The following IKZF2 variants were observed in gnomAD, a reference collection of about 807,000 sequenced individuals.
The protein encoded by IKZF2 is zinc finger protein Helios.
Under a neutral mutation model 49.2 loss-of-function variants are expected in IKZF2, and 15 were observed. The observed-to-expected ratio is 0.30, with a 90% confidence interval of 0.20 to 0.47. IKZF2 has a LOEUF of 0.47. Among genes scored for constraint, IKZF2 ranks in the 20% least tolerant of loss-of-function variants. The pLI, the probability that IKZF2 is intolerant of heterozygous loss-of-function variation, is 1.00. For synonymous variants in IKZF2, 227 were observed against 221.4 expected (o/e 1.03, Z -0.23); for missense variants, 567 against 664.6 (o/e 0.85, Z 1.61).
chr2:213,019,609 T>C (rs529675632), intron 7 of IKZF2, among the ~76,000 whole-genome samples: 2 of 152,330 alleles, frequency 1.3e-5, no homozygotes, highest in Non-Finnish European at 2.9e-5. Context: ...TGTAAACTTA[T>C]GTGGTTAAAA....
chr2:213,015,047 G>T (rs1362562031), intron 7 of IKZF2: 1 of 152,018 alleles, frequency 6.6e-6, no homozygotes, highest in Non-Finnish European at 1.5e-5. Context: ...TTTATAAGGG[G>T]ATCCTCTTGG....
At chr2:213,022,548 G>A (rs1697344131) in intron 6 of IKZF2, among the ~76,000 whole-genome samples, 1 of 151,768 alleles carries the variant, frequency 6.6e-6, no homozygotes, top group African/African-American at 2.4e-5. Context: ...TTTTACAGAA[G>A]AAAACTTAAA....
intron 6 of IKZF2, among the ~76,000 whole-genome samples, chr2:213,028,760 G>T (rs570451138): frequency 2.4e-4 from 37 of 151,962 alleles, no homozygotes; most frequent in Non-Finnish European, 5.2e-4. Flanking sequence ...TTTCACAATA[G>T]CCAAGATATG....
intron 4 of IKZF2, among the ~76,000 whole-genome samples, chr2:213,087,103 G>A: frequency 6.6e-6 from 1 of 152,128 alleles, no homozygotes; most frequent in East Asian, 1.9e-4. Flanking sequence ...TGAAACAAAA[G>A]GTAGGGGAAG....
At chr2:213,013,379 G>C (rs1466592979) in intron 8 of IKZF2, among the ~76,000 whole-genome samples, 2 of 147,192 alleles carry the variant, frequency 1.4e-5, no homozygotes, top group Non-Finnish European at 3.0e-5. Flanking sequence ...TCCAATAATG[G>C]GACACTAGGC....
At chr2:213,117,204 T>C (rs1476483555) in intron 4 of IKZF2, among the ~76,000 whole-genome samples, 1 of 152,142 alleles carries the variant, frequency 6.6e-6, no homozygotes, top group African/African-American at 2.4e-5. Context: ...CATTCAACAC[T>C]GCCTCTCCAA....
intron 4 of IKZF2, among the ~76,000 whole-genome samples, chr2:213,087,870 G>C (rs13383092): frequency 0.055 from 8,320 of 152,228 alleles, 753 homozygotes; most frequent in African/African-American, 0.19. Context: ...ATTCCATGGT[G>C]TATATGTGCC....
At chr2:213,022,522 G>A (rs1431159576) in intron 6 of IKZF2, among the ~76,000 whole-genome samples, 1 of 151,256 alleles carries the variant, frequency 6.6e-6, no homozygotes, top group Non-Finnish European at 1.5e-5. Context: ...TTTTCTTTTC[G>A]GGTAAGGGCA....
At chr2:213,060,655 T>C (rs1701595362) in intron 4 of IKZF2, among the ~76,000 whole-genome samples, 1 of 151,490 alleles carries the variant, frequency 6.6e-6, no homozygotes, top group African/African-American at 2.4e-5. Flanking sequence ...ACACACGTTA[T>C]CATATGCTAA....
At chr2:213,042,765 T>C (rs1294678780) in intron 6 of IKZF2, among the ~76,000 whole-genome samples, 9 of 152,128 alleles carry the variant, frequency 5.9e-5, no homozygotes, top group Admixed American at 5.9e-4. Flanking sequence ...GATAATGTGT[T>C]ATGGGTATGG....
chr2:213,055,726 T>A (rs1434275195), intron 5 of IKZF2, among the ~76,000 whole-genome samples: 1 of 152,092 alleles, frequency 6.6e-6, no homozygotes, highest in African/African-American at 2.4e-5. Context: ...ACATAAGGGA[T>A]AATGGACAAA....
chr2:213,079,469 G>A lies in IKZF2; in HGVS notation c.140-22370C>T, dbSNP rs565350671. 5.0e-5 allele frequency among the ~76,000 whole-genome samples: 6 copies of A among 120,396 alleles called. No homozygotes were observed. In the East Asian group the frequency reaches 8.1e-4, roughly 16 times the overall value. The allele number at this position is 120,396 out of a possible 152,430, so 79.0% of individuals were successfully genotyped here. On this transcript the variant is annotated intron_variant, in intron 4 of 8. Coordinates refer to ENST00000434687, the MANE Select transcript of IKZF2 (RefSeq NM_001387220.1). ...GGAGGGAGGGTGGAAGGAAGGAAAG[G>A]AGGGAGGGGGAGAGAGAAAAAAAGA...
At chr2:213,119,612 C>T (rs1448230828) in intron 4 of IKZF2, among the ~76,000 whole-genome samples, 1 of 152,152 alleles carries the variant, frequency 6.6e-6, no homozygotes, top group Non-Finnish European at 1.5e-5. Context: ...TGTATTAATA[C>T]TCTACCCTAT....
chr2:213,113,565 A>G (rs894825135), intron 4 of IKZF2, among the ~76,000 whole-genome samples: 1 of 152,212 alleles, frequency 6.6e-6, no homozygotes, highest in African/African-American at 2.4e-5. Context: ...ACTTTCAGGT[A>G]CAATCTCAAG....
At chr2:213,103,902 GAGT>G (rs2059433849) in intron 4 of IKZF2, among the ~76,000 whole-genome samples, 1 of 152,078 alleles carries the variant, frequency 6.6e-6, no homozygotes, top group African/African-American at 2.4e-5. Context: ...TTGCTAAAAA[GAGT>G]AGTATATTTT....
At chr2:213,034,922 G>C (rs1698855817) in intron 6 of IKZF2, among the ~76,000 whole-genome samples, 1 of 152,140 alleles carries the variant, frequency 6.6e-6, no homozygotes, top group Non-Finnish European at 1.5e-5. Context: ...CCTTTCATCT[G>C]ACTTTCTATA....
intron 7 of IKZF2, chr2:213,015,260 AAATTG>A (rs1373190754): frequency 2.6e-5 from 4 of 152,094 alleles, no homozygotes; most frequent in African/African-American, 9.7e-5. Context: ...TGGGTCAAAA[AAATTG>A]AATTGTAATC....
intron 8 of IKZF2, among the ~76,000 whole-genome samples, chr2:213,008,505 T>TA: frequency 6.6e-6 from 1 of 152,126 alleles, no homozygotes; most frequent in South Asian, 2.1e-4. Flanking sequence ...GTGTTACGAT[T>TA]ACAGGCATGA....
At chr2:213,073,899 C>T (rs956350957) in intron 4 of IKZF2, among the ~76,000 whole-genome samples, 1 of 152,062 alleles carries the variant, frequency 6.6e-6, no homozygotes, top group Non-Finnish European at 1.5e-5. Flanking sequence ...TTTCACAATC[C>T]CTGGGATCCA....
Sources: allele counts gnomAD v4.1 joint callset (sites outside exome capture counted in the v4.1 genomes callset), GRCh38; gene constraint gnomAD v4.1.1; transcripts MANE v1.5; gene names NCBI Gene and HGNC (gene_info 2026-07-23, HGNC 2026-07-21).